The following ADAM19 variants were observed in gnomAD, a reference collection of about 807,000 sequenced individuals.
ADAM19 encodes the protein disintegrin and metalloproteinase domain-containing protein 19.
ADAM19 carries 65 observed loss-of-function variants against 114.7 expected under a neutral mutation model. That is an observed-to-expected ratio of 0.57 (90% CI 0.46 to 0.70). ADAM19 has a LOEUF of 0.70. ADAM19 is among the 30% of genes least tolerant of loss of function. ADAM19 has a pLI of 0.00. For synonymous variants in ADAM19, 466 were observed against 460.5 expected (o/e 1.01, Z -0.15); for missense variants, 1,063 against 1,204.7 (o/e 0.88, Z 1.74).
rs1366983411 is a variant in ADAM19, at chr5:157,505,137, AAAT to A, written c.1130+529_1130+531del. 4.3e-4 allele frequency among the ~76,000 whole-genome samples: 65 copies of A among 149,822 alleles called. 1 individual carries two copies. Among genetic ancestry groups the A allele is most frequent in the African/African-American group, 1.5e-3 (60 of 39,654 alleles). On this transcript the variant is annotated intron_variant, in intron 11 of 22. Coordinates refer to ENST00000257527, the MANE Select transcript of ADAM19 (RefSeq NM_033274.5). ...CTGTCTCAAAAAAAAAAAAAAAAAA[AAAT>A]TTCCTCATGACCACAGGGAGATGCA... is the stretch of plus-strand genomic sequence containing the variant.
At position 157,493,099 on chromosome 5, in the gene ADAM19, G is replaced by C. The variant is rs1326480214; in HGVS notation, c.1782C>G (p.Thr594=). The C allele has an allele frequency of 1.9e-6, 3 of 1,614,074 alleles. No homozygotes were observed. Among genetic ancestry groups the C allele is most frequent in the Non-Finnish European group, 2.5e-6 (3 of 1,180,050 alleles). The change falls in exon 16 of 23, where the codon ACC becomes ACG. Residue 594 remains threonine, a synonymous_variant. Transcript: ENST00000257527. ...TCTGCCTCCCATTCATGATGATAGT[G>C]GTGTCAATGGGCACCGCGTTGGACT... The part of the protein sequence containing the change: ...PLESNAVPID[T]TIIMNGRQIQ...
intron 4 of ADAM19, among the ~76,000 whole-genome samples, chr5:157,534,340 C>T (rs1581335570): frequency 6.6e-6 from 1 of 152,158 alleles, no homozygotes. Flanking sequence ...TGATGGCGGG[C>T]ACTTGTAATC....
chr5:157,487,609 C>T (rs1754983828), intron 21 of ADAM19, among the ~76,000 whole-genome samples: 1 of 152,234 alleles, frequency 6.6e-6, no homozygotes, highest in Non-Finnish European at 1.5e-5. Context: ...AGAGCACACA[C>T]ACGCAGTGGG....
intron 3 of ADAM19, among the ~76,000 whole-genome samples, chr5:157,557,665 T>G (rs11134814): frequency 6.6e-6 from 1 of 151,950 alleles, no homozygotes. Flanking sequence ...GATCAAGGGA[T>G]CAGCAGATTT....
At chr5:157,568,836 A>C (rs929465798) in intron 2 of ADAM19, 10 of 152,224 alleles carry the variant, frequency 6.6e-5, no homozygotes, top group African/African-American at 2.4e-4. Context: ...ACATTCATTC[A>C]TTTGTTCATT....
intron 4 of ADAM19, 84 bp downstream of exon 4, chr5:157,537,829 A>T (rs1756806449): frequency 7.8e-7 from 1 of 1,276,762 alleles, no homozygotes; most frequent in African/African-American, 1.5e-5. Context: ...GGAGAGACCA[A>T]CTCCATCAGG....
chr5:157,487,225 T>G (rs1226771147), intron 21 of ADAM19, among the ~76,000 whole-genome samples: 1 of 152,086 alleles, frequency 6.6e-6, no homozygotes, highest in East Asian at 1.9e-4. Context: ...TTTCCTTCTC[T>G]CTCCCTGTCA....
intron 14 of ADAM19, among the ~76,000 whole-genome samples, chr5:157,496,274 T>G (rs1755361524): frequency 6.6e-6 from 1 of 152,252 alleles, no homozygotes; most frequent in South Asian, 2.1e-4. Flanking sequence ...ATTATATGAA[T>G]GTACCAGAAT....
At chr5:157,485,100 G>A (rs947069397) in intron 21 of ADAM19, among the ~76,000 whole-genome samples, 1 of 152,220 alleles carries the variant, frequency 6.6e-6, no homozygotes, top group African/African-American at 2.4e-5. Flanking sequence ...CTGACACGGG[G>A]CGTCATCCCC....
At chr5:157,534,033 A>G (rs1756695678) in intron 4 of ADAM19, among the ~76,000 whole-genome samples, 1 of 152,158 alleles carries the variant, frequency 6.6e-6, no homozygotes, top group African/African-American at 2.4e-5. Flanking sequence ...ACCTCTTCCT[A>G]TCTTTGAATG....
intron 3 of ADAM19, among the ~76,000 whole-genome samples, chr5:157,541,397 C>T (rs571767926): frequency 8.1e-4 from 124 of 152,342 alleles, no homozygotes; most frequent in Non-Finnish European, 1.5e-3. Context: ...TACCCTGCTG[C>T]CCCCTGCTCT....
At chr5:157,534,087 C>T (rs1288735929) in intron 4 of ADAM19, among the ~76,000 whole-genome samples, 2 of 152,184 alleles carry the variant, frequency 1.3e-5, no homozygotes, top group Non-Finnish European at 2.9e-5. Flanking sequence ...GAAAATAGAG[C>T]ACCTGGCTTC....
At chr5:157,517,073 T>TGCCCAGTTAACTCCTCC (rs1756112748) in intron 7 of ADAM19, among the ~76,000 whole-genome samples, 3 of 152,328 alleles carry the variant, frequency 2.0e-5, no homozygotes, top group Admixed American at 6.5e-5. Context: ...TCCACTCCTC[T>TGCCCAGTTAACTCCTCC]GCCCAGTTAA....
chr5:157,492,872 G>T, intron 16 of ADAM19, 101 bp downstream of exon 16: 1 of 1,263,658 alleles, frequency 7.9e-7, no homozygotes, highest in Non-Finnish European at 1.1e-6. Context: ...CTCAGAGGTT[G>T]GCGAGGTGGC....
At chr5:157,555,298 C>T (rs1757335720) in intron 3 of ADAM19, among the ~76,000 whole-genome samples, 2 of 152,186 alleles carry the variant, frequency 1.3e-5, no homozygotes, top group Non-Finnish European at 2.9e-5. Flanking sequence ...AGTACGATGC[C>T]TGTTATACAG....
chr5:157,493,108 G>A lies in ADAM19; in HGVS notation c.1773C>T (p.Pro591=). 6.2e-7 allele frequency: 1 copy of A among 1,614,226 alleles called. No individual in the cohort carries two copies. Among genetic ancestry groups the A allele is most frequent in the Non-Finnish European group, 8.5e-7 (1 of 1,180,042 alleles). ...CATTCATGATGATAGTGGTGTCAAT[G>A]GGCACCGCGTTGGACTCCAGGGGCC... ...EARPLESNAV[P]IDTTIIMNGR... The change falls in exon 16 of 23, where the codon CCC becomes CCT. Residue 591 remains proline (P), a synonymous_variant. Transcript: ENST00000257527.
At chr5:157,493,276 CT>C (rs1244383256) in intron 15 of ADAM19, 99 bp from the exon 16 acceptor site, 2 of 1,344,034 alleles carry the variant, frequency 1.5e-6, no homozygotes, top group East Asian at 4.7e-5. Flanking sequence ...AGACAGCAGG[CT>C]TGCGTGGGGT....
intron 3 of ADAM19, among the ~76,000 whole-genome samples, chr5:157,539,764 G>GA (rs1306173003): frequency 3.1e-5 from 4 of 130,502 alleles, no homozygotes; most frequent in African/African-American, 1.2e-4. Context: ...AGATTTGAGG[G>GA]AGGAGTCACC....
At position 157,575,548 on chromosome 5, in the gene ADAM19, T is replaced by C. The variant is rs11465230; in HGVS notation, c.94+55A>G. 7.0e-4 allele frequency: 931 copies of C among 1,335,200 alleles called. 4 individuals carry two copies. In the African/African-American group the frequency reaches 0.011, roughly 16 times the overall value. 82.7% of individuals were successfully genotyped at this position (1,335,200 alleles called of 1,614,324 possible). A position where few individuals can be genotyped will look rare whatever the true frequency, so the allele number is the denominator to read the frequency against. ...TCCCAGCGCTCCGGACCCGCAAGGCTACTCCCAGGTCTCCGGGCCACCCAG... is the reference window on the plus strand; with the variant it reads ...TCCCAGCGCTCCGGACCCGCAAGGCCACTCCCAGGTCTCCGGGCCACCCAG... On this transcript the variant is annotated intron_variant, in intron 1 of 22. Coordinates refer to ENST00000257527, the MANE Select transcript of ADAM19 (RefSeq NM_033274.5).
Sources: gnomAD v4.1 joint callset for allele counts (sites outside exome capture counted in the v4.1 genomes callset) on GRCh38, gnomAD v4.1.1 for gene constraint, MANE v1.5 for transcripts, NCBI Gene and HGNC (gene_info 2026-07-23, HGNC 2026-07-21) for gene names.